ZBTB20: variants seen among roughly 807,000 people sequenced by gnomAD.
The protein encoded by ZBTB20 is zinc finger and BTB domain containing 20, also known as zinc finger and BTB domain-containing protein 20.
ZBTB20 carries 9 observed loss-of-function variants against 56.9 expected under a neutral mutation model. The ratio of observed to expected loss-of-function variants is 0.16; its 90% CI spans 0.10 to 0.28. The LOEUF is 0.28. Ranked by LOEUF, ZBTB20 falls within the 10% of genes least tolerant of loss-of-function variation. The probability of loss-of-function intolerance (pLI) is 1.00; values close to 1 mark genes in which losing one functional copy is unlikely to be tolerated. For synonymous variants in ZBTB20, 417 were observed against 420.7 expected, an observed-to-expected ratio of 0.99 and a Z score of 0.11; for missense variants, 655 against 1,003.0, an observed-to-expected ratio of 0.65 and a Z score of 4.69.
intron 1 of ZBTB20, among the ~76,000 whole-genome samples, chr3:115,115,500 A>G (rs985393782): frequency 6.6e-6 from 1 of 152,068 alleles, no homozygotes. Flanking sequence ...TGGTACTTTC[A>G]TTTAACTATA....
At chr3:114,875,782 T>G (rs539223920) in intron 4 of ZBTB20, among the ~76,000 whole-genome samples, 1 of 152,168 alleles carries the variant, frequency 6.6e-6, no homozygotes, top group African/African-American at 2.4e-5. Flanking sequence ...ATAACACCAG[T>G]TCTGCTACCT....
At chr3:114,969,437 ATAAAT>A (rs2077781374) in intron 3 of ZBTB20, among the ~76,000 whole-genome samples, 1 of 152,240 alleles carries the variant, frequency 6.6e-6, no homozygotes, top group Non-Finnish European at 1.5e-5. Context: ...ATACAATAAA[ATAAAT>A]TAAAACAGAT....
Position 114,326,240 on chromosome 3 carries a change from C to A in ZBTB20, c.*12765G>T, listed in dbSNP as rs2079059621. ...GAATTTAATTAAACTAATTTATTCCCAGCCTTATTCCAAAAAGGATTTGAG... is the reference window on the plus strand; with the variant it reads ...GAATTTAATTAAACTAATTTATTCCAAGCCTTATTCCAAAAAGGATTTGAG... On this transcript the variant is annotated 3_prime_UTR_variant, in exon 12 of 12. Coordinates refer to ENST00000675478, the MANE Select transcript of ZBTB20 (RefSeq NM_001348800.3). 1.3e-5 allele frequency: 2 copies of A among 152,052 alleles called. No homozygotes were observed. Among genetic ancestry groups the A allele is most frequent in the South Asian group, 4.2e-4 (2 of 4,816 alleles). 9.4% of individuals were successfully genotyped at this position (152,052 alleles called of 1,614,324 possible).
intron 6 of ZBTB20, among the ~76,000 whole-genome samples, chr3:114,559,307 A>G (rs987108482): frequency 6.6e-5 from 10 of 152,346 alleles, no homozygotes; most frequent in African/African-American, 2.4e-4. Flanking sequence ...TTCCCTGCAC[A>G]TTAGGATTAA....
intron 6 of ZBTB20, among the ~76,000 whole-genome samples, chr3:114,552,788 C>T (rs1237665188): frequency 6.6e-6 from 1 of 152,100 alleles, no homozygotes; most frequent in Non-Finnish European, 1.5e-5. Flanking sequence ...GGAAGCTAGA[C>T]AGAAAGGCCA....
chr3:115,024,879 GTAACTACTGTTAC>G (rs1433788671), intron 2 of ZBTB20, among the ~76,000 whole-genome samples: 1 of 151,164 alleles, frequency 6.6e-6, no homozygotes, highest in Non-Finnish European at 1.5e-5. Flanking sequence ...GTTACCGCTA[GTAACTACTGTTAC>G]TAAAATAGAA....
chr3:114,967,852 G>A (rs2077710024), intron 3 of ZBTB20, among the ~76,000 whole-genome samples: 1 of 151,986 alleles, frequency 6.6e-6, no homozygotes, highest in South Asian at 2.1e-4. Flanking sequence ...AGCTACTCAG[G>A]AGGCTGAGGC....
rs1023147042 is a variant in ZBTB20 at position 114,938,659 on chromosome 3, T to C, written c.-456+35707A>G. On this transcript the variant is annotated intron_variant, in intron 3 of 11. Transcript: ENST00000675478. ...GACACAGGGAGGGGAACATCACACA[T>C]TGGGGCCTGTCGGGTGGTGGGGAAG... is the stretch of plus-strand genomic sequence containing the variant. 7.6e-5 allele frequency among the ~76,000 whole-genome samples: 11 copies of C among 145,016 alleles called. 1 individual carries two copies. The highest frequency in any genetic ancestry group is 3.9e-4 in the East Asian group (2 of 5,148).
At chr3:114,477,998 G>C (rs1413361743) in intron 7 of ZBTB20, among the ~76,000 whole-genome samples, 3 of 67,958 alleles carry the variant, frequency 4.4e-5, no homozygotes, top group Admixed American at 4.3e-4. Context: ...TCTTTTTTTT[G>C]AGGCAGAGTT....
chr3:114,470,357 G>A (rs60155337), intron 7 of ZBTB20, among the ~76,000 whole-genome samples: 8,692 of 152,110 alleles, frequency 0.057, 825 homozygotes, highest in African/African-American at 0.2. Context: ...AAAAATTAGG[G>A]TTAAAAATGT....
chr3:114,619,144 G>C (rs2107746492), intron 6 of ZBTB20, among the ~76,000 whole-genome samples: 2 of 152,236 alleles, frequency 1.3e-5, no homozygotes, highest in African/African-American at 4.8e-5. Context: ...TGCCAGGTTT[G>C]TACTAATGGA....
chr3:114,921,856 A>G (rs1277940122), intron 3 of ZBTB20, among the ~76,000 whole-genome samples: 1 of 152,184 alleles, frequency 6.6e-6, no homozygotes, highest in Non-Finnish European at 1.5e-5. Flanking sequence ...TAGAACTTAA[A>G]GTATAATAAA....
intron 6 of ZBTB20, among the ~76,000 whole-genome samples, chr3:114,648,577 A>C (rs2059968957): frequency 6.6e-6 from 1 of 152,066 alleles, no homozygotes; most frequent in South Asian, 2.1e-4. Context: ...TATATTACAC[A>C]AGATGGAAAG....
intron 6 of ZBTB20, among the ~76,000 whole-genome samples, chr3:114,518,049 T>C (rs2046219965): frequency 6.6e-6 from 1 of 152,066 alleles, no homozygotes; most frequent in African/African-American, 2.4e-5. Context: ...TAAGAATACA[T>C]AAAGGGGGTT....
chr3:114,642,199 C>T (rs1319427650), intron 6 of ZBTB20, among the ~76,000 whole-genome samples: 2 of 151,984 alleles, frequency 1.3e-5, no homozygotes, highest in Non-Finnish European at 2.9e-5. Context: ...TCCCAACATC[C>T]TTAATATCTC....
intron 5 of ZBTB20, among the ~76,000 whole-genome samples, chr3:114,787,368 T>TATACAC (rs1433434685): frequency 4.7e-5 from 5 of 106,304 alleles, no homozygotes; most frequent in African/African-American, 2.3e-4. Flanking sequence ...TATATATATA[T>TATACAC]ACACACACAC....
chr3:114,901,760 C>T (rs2075129563), intron 3 of ZBTB20, among the ~76,000 whole-genome samples: 2 of 151,564 alleles, frequency 1.3e-5, no homozygotes, highest in East Asian at 1.9e-4. Flanking sequence ...TATTATGATG[C>T]TAAAATATTA....
At chr3:114,593,634 T>C (rs1409604204) in intron 6 of ZBTB20, among the ~76,000 whole-genome samples, 4 of 152,180 alleles carry the variant, frequency 2.6e-5, no homozygotes, top group Non-Finnish European at 5.9e-5. Context: ...TCCACCCACC[T>C]TGGCCTCCCA....
At chr3:114,694,038 T>C (rs2062848884) in intron 5 of ZBTB20, among the ~76,000 whole-genome samples, 1 of 152,126 alleles carries the variant, frequency 6.6e-6, no homozygotes, top group South Asian at 2.1e-4. Context: ...ATTTGTGTTA[T>C]AAATATTGTG....
Sources: gnomAD v4.1 joint callset for allele counts (sites outside exome capture counted in the v4.1 genomes callset) on GRCh38, gnomAD v4.1.1 for gene constraint, MANE v1.5 for transcripts, NCBI Gene and HGNC (gene_info 2026-07-23, HGNC 2026-07-21) for gene names.